LRBA: variants seen among roughly 807,000 people sequenced by gnomAD.
LRBA encodes the protein LPS responsive beige-like anchor protein.
LRBA carries 176 observed loss-of-function variants against 330.0 expected under a neutral mutation model. The observed-to-expected ratio is 0.53, with a 90% CI of 0.47 to 0.60. The LOEUF is 0.60. Ranked by LOEUF, LRBA falls within the 20% of genes least tolerant of loss-of-function variation. The pLI, the probability that LRBA is intolerant of heterozygous loss-of-function variation, is 0.00. For missense variants in LRBA, 3,259 were observed against 3,444.8 expected (o/e 0.95, Z 1.35); for synonymous variants, 1,230 against 1,193.0 (o/e 1.03, Z -0.64).
chr4:150,802,730 T>C (rs756935225), intron 33 of LRBA, among the ~76,000 whole-genome samples: 1 of 152,090 alleles, frequency 6.6e-6, no homozygotes, highest in Non-Finnish European at 1.5e-5. Flanking sequence ...CTTCAAAATA[T>C]ACAGGGCATA....
At chr4:150,404,357 A>G (rs1745896220) in intron 47 of LRBA, among the ~76,000 whole-genome samples, 1 of 152,332 alleles carries the variant, frequency 6.6e-6, no homozygotes, top group East Asian at 1.9e-4. Context: ...TTCAAAGAAG[A>G]TGAGAGTTCT....
At chr4:150,508,847 A>G (rs1031124921) in intron 40 of LRBA, among the ~76,000 whole-genome samples, 1 of 152,204 alleles carries the variant, frequency 6.6e-6, no homozygotes, top group African/African-American at 2.4e-5. Context: ...GAGTTGAACA[A>G]GACCATCAAC....
intron 47 of LRBA, among the ~76,000 whole-genome samples, chr4:150,411,685 A>G (rs1336272037): frequency 6.6e-6 from 1 of 152,184 alleles, no homozygotes; most frequent in Non-Finnish European, 1.5e-5. Context: ...TAATCTGGAA[A>G]AGCAGAAACC....
In LRBA at chr4:150,928,929, A is replaced by T. The variant is rs1441333283; in HGVS notation, c.353T>A (p.Leu118Gln). Residue 118 changes from leucine (L) to glutamine (Q), a missense_variant, in exon 3 of 57, where the codon CTG becomes CAG. Leu to Gln is a moderately radical substitution (Grantham distance 113). Transcript: ENST00000651943. ...TTGAAGATTCCGTATGCTTTTCTTC[A>T]GAATGGCTGTAAACATGCTCCAGAC... ...AEVWSMFTAI[L>Q]KKSIRNLQVC... 6.2e-7 allele frequency: 1 copy of T among 1,614,012 alleles called. No homozygotes were observed. The highest frequency in any genetic ancestry group is 8.5e-7 in the Non-Finnish European group (1 of 1,180,018).
intron 22 of LRBA, among the ~76,000 whole-genome samples, chr4:150,856,929 T>G (rs942201000): frequency 5.9e-5 from 9 of 152,166 alleles, no homozygotes; most frequent in African/African-American, 2.2e-4. Context: ...TAATTGGCAC[T>G]CAAATTTACT....
In LRBA at chr4:150,851,962, C is replaced by G. The variant is rs146423687; in HGVS notation, c.3748G>C (p.Ala1250Pro). ...KIAKLDVSNV[A>P]TDTERLELKA... is the part of the protein sequence containing the mutation. The stretch of plus-strand genomic sequence containing the variant: ...AACTCCAGCCTCTCAGTATCTGTAG[C>G]AACATTGGAAACATCCAACTTCGCA... Residue 1250 changes from alanine (A) to proline (P), a missense_variant, in exon 23 of 57, where the codon GCT (alanine) becomes CCT (proline). Coordinates refer to ENST00000651943, the MANE Select transcript of LRBA (RefSeq NM_001364905.1). 2.4e-5 allele frequency: 39 copies of G among 1,614,002 alleles called. No homozygotes were observed. Among genetic ancestry groups the G allele is most frequent in the Non-Finnish European group, 3.0e-5 (35 of 1,180,000 alleles).
At position 150,426,234 on chromosome 4, in the gene LRBA, G is replaced by T. The variant is rs145419287; in HGVS notation, c.7041+9355C>A. On this transcript the variant is annotated intron_variant, in intron 46 of 56. Coordinates refer to ENST00000651943, the MANE Select transcript of LRBA (RefSeq NM_001364905.1). ...AGATAAAATGCTGTTTTTTCCTACA[G>T]TAAAAGAAAAACAATCATTTTCAAA... Among the ~76,000 whole-genome samples the T allele has an allele frequency of 7.4e-3, 1,127 of 151,866 alleles. 10 individuals carry two copies. Among genetic ancestry groups the T allele is most frequent in the Middle Eastern group, 0.017 (5 of 288 alleles).
intron 40 of LRBA, among the ~76,000 whole-genome samples, chr4:150,564,531 C>G (rs1768863572): frequency 6.6e-6 from 1 of 152,106 alleles, no homozygotes; most frequent in Admixed American, 6.5e-5. Flanking sequence ...CCAAAATAGA[C>G]AAATGGGATC....
chr4:150,593,929 C>T (rs955875667), intron 38 of LRBA, among the ~76,000 whole-genome samples: 1 of 151,920 alleles, frequency 6.6e-6, no homozygotes, highest in Non-Finnish European at 1.5e-5. Context: ...ATATAATTAT[C>T]CCTTCCAATT....
At chr4:150,621,566 T>C (rs1362574288) in intron 37 of LRBA, among the ~76,000 whole-genome samples, 3 of 152,180 alleles carry the variant, frequency 2.0e-5, no homozygotes. Flanking sequence ...GGTCTCAGTC[T>C]CCTTTTCAAT....
rs371460900 is a variant in LRBA at position 150,993,341 on chromosome 4, G to A, written c.216+21086C>T. Among the ~76,000 whole-genome samples, 30 of 152,222 alleles carry A rather than the reference G, an allele frequency of 2.0e-4. No individual in the cohort carries two copies. The East Asian group carries it at 5.2e-3, about 26-fold the overall frequency. On this transcript the variant is annotated intron_variant, in intron 2 of 56. Transcript: ENST00000651943. ...GAATAAAAAATAAATGAAAATAGGA[G>A]AGGAAAGAATAAATTTAAATACTGC... is the stretch of plus-strand genomic sequence containing the variant.
chr4:150,685,273 A>G, intron 36 of LRBA, among the ~76,000 whole-genome samples: 1 of 148,374 alleles, frequency 6.7e-6, no homozygotes, highest in East Asian at 2.0e-4. Context: ...GAGCCAATAA[A>G]CTCCTGCTCA....
intron 18 of LRBA, 100 bp downstream of exon 18, chr4:150,872,560 TAAA>T: frequency 1.4e-6 from 1 of 697,572 alleles, no homozygotes; most frequent in Non-Finnish European, 2.4e-6. Flanking sequence ...TGAATAAAAA[TAAA>T]AGAAAAACTA....
At chr4:150,893,761 T>G (rs1488926233) in intron 16 of LRBA, among the ~76,000 whole-genome samples, 1 of 152,116 alleles carries the variant, frequency 6.6e-6, no homozygotes, top group South Asian at 2.1e-4. Flanking sequence ...CTGCAAGCTC[T>G]GCATCCCGGG....
chr4:150,568,196 T>C (rs941443904), intron 40 of LRBA, among the ~76,000 whole-genome samples: 1 of 151,742 alleles, frequency 6.6e-6, no homozygotes, highest in Admixed American at 6.6e-5. Context: ...AAAAAATAAA[T>C]CAGAGAGAGC....
At chr4:150,760,631 T>G (rs1734947680) in intron 35 of LRBA, among the ~76,000 whole-genome samples, 1 of 152,050 alleles carries the variant, frequency 6.6e-6, no homozygotes, top group Non-Finnish European at 1.5e-5. Flanking sequence ...TTCTGTTCCC[T>G]GTGTTTGAAA....
chr4:150,446,293 G>C (rs1196981404), intron 44 of LRBA, among the ~76,000 whole-genome samples: 1 of 152,122 alleles, frequency 6.6e-6, no homozygotes, highest in Non-Finnish European at 1.5e-5. Context: ...CAAACAAGGA[G>C]ATAAAATATT....
intron 36 of LRBA, among the ~76,000 whole-genome samples, chr4:150,723,947 G>A (rs1403334487): frequency 6.6e-6 from 1 of 152,220 alleles, no homozygotes; most frequent in Non-Finnish European, 1.5e-5. Flanking sequence ...ACCGGTGGTG[G>A]GGGTGGCCAC....
chr4:150,692,017 G>C (rs1472142618), intron 36 of LRBA, among the ~76,000 whole-genome samples: 1 of 152,058 alleles, frequency 6.6e-6, no homozygotes, highest in African/African-American at 2.4e-5. Flanking sequence ...GTCTGGGATT[G>C]GATATGAGTA....
Sources: gnomAD v4.1 joint callset for allele counts (sites outside exome capture counted in the v4.1 genomes callset) on GRCh38, gnomAD v4.1.1 for gene constraint, MANE v1.5 for transcripts, NCBI Gene and HGNC (gene_info 2026-07-23, HGNC 2026-07-21) for gene names.